The following ENPP3 variants were observed in gnomAD, a reference collection of about 807,000 sequenced individuals.
ENPP3 encodes ectonucleotide pyrophosphatase/phosphodiesterase family member 3.
In ENPP3, 104 loss-of-function variants were observed where a neutral mutation model predicts 117.8. The observed-to-expected ratio is 0.88, with a 90% CI of 0.75 to 1.04. The LOEUF (loss-of-function observed/expected upper bound fraction) is 1.04. ENPP3 is among the 50% of genes least tolerant of loss of function. The pLI is 0.00. For synonymous variants in ENPP3, 380 were observed against 349.9 expected (o/e 1.09, Z -0.96); for missense variants, 1,026 against 1,051.9 (o/e 0.98, Z 0.34).
intron 19 of ENPP3, among the ~76,000 whole-genome samples, chr6:131,724,570 T>A (rs1273786985): frequency 1.3e-5 from 2 of 152,238 alleles, no homozygotes; most frequent in Non-Finnish European, 2.9e-5. Flanking sequence ...TATTACCTGT[T>A]ATCTTTTAAG....
chr6:131,702,474 T>A (rs1779560423), intron 15 of ENPP3, among the ~76,000 whole-genome samples: 1 of 148,842 alleles, frequency 6.7e-6, no homozygotes, highest in South Asian at 2.1e-4. Context: ...TTTATGTGAA[T>A]GACTGAATAG....
chr6:131,736,627 A>G (rs1283002115), intron 21 of ENPP3, among the ~76,000 whole-genome samples: 2 of 152,116 alleles, frequency 1.3e-5, no homozygotes, highest in East Asian at 3.9e-4. Flanking sequence ...ATCAGTCTCT[A>G]TCAAGTAAAA....
intron 12 of ENPP3, among the ~76,000 whole-genome samples, chr6:131,683,396 G>A (rs775621177): frequency 6.6e-6 from 1 of 152,160 alleles, no homozygotes; most frequent in Non-Finnish European, 1.5e-5. Context: ...TTTTGTAAAA[G>A]TAGAGTTAAT....
chr6:131,724,082 C>T lies in ENPP3; in HGVS notation c.1789C>T (p.Gln597Ter), dbSNP rs753973949. 27 of 1,608,416 alleles carry T rather than the reference C, an allele frequency of 1.7e-5. No individual in the cohort carries two copies. Among genetic ancestry groups the T allele is most frequent in the Non-Finnish European group, 2.3e-5 (27 of 1,175,452 alleles). Reference sequence around the variant, plus strand: ...AGTGAATCAGATGCTAAATCTCACCCAAGAAGAAAGTAAGTCAATAGAAAA... The same window carrying T: ...AGTGAATCAGATGCTAAATCTCACCTAAGAAGAAAGTAAGTCAATAGAAAA... ...EQVNQMLNLT[Q>*]EEITATVKVN... Residue 597 changes from glutamine (Q) to a stop codon, truncating the protein, a stop_gained, in exon 19 of 25, where the codon CAA becomes TAA. Coordinates refer to ENST00000357639, the MANE Select transcript of ENPP3 (RefSeq NM_005021.5). LOFTEE classifies it high-confidence loss of function.
chr6:131,701,772 C>T (rs1195177082), intron 15 of ENPP3, among the ~76,000 whole-genome samples: 11 of 150,892 alleles, frequency 7.3e-5, no homozygotes, highest in African/African-American at 2.4e-4. Context: ...GTCCCAGCTA[C>T]TCGGGAGGCT....
At chr6:131,734,583 A>C (rs1415114054) in intron 21 of ENPP3, among the ~76,000 whole-genome samples, 3 of 152,102 alleles carry the variant, frequency 2.0e-5, no homozygotes, top group Non-Finnish European at 4.4e-5. Context: ...AATTTATGTA[A>C]GCCCTGTGAT....
At chr6:131,646,744 CT>C (rs60833768) in intron 2 of ENPP3, among the ~76,000 whole-genome samples, 10,510 of 128,844 alleles carry the variant, frequency 0.082, 1,203 homozygotes, top group African/African-American at 0.27. Context: ...AAGCTCTTGG[CT>C]TTTTTTTTTT....
In ENPP3 at chr6:131,740,476, G is replaced by A. The variant is rs556357055; in HGVS notation, c.2457+96G>A. 3.4e-6 allele frequency: 3 copies of A among 876,728 alleles called. No individual in the cohort carries two copies. In the East Asian group the frequency reaches 8.3e-5, roughly 24 times the overall value. 54.3% of individuals were successfully genotyped at this position (876,728 alleles called of 1,614,324 possible). A position where few individuals can be genotyped will look rare whatever the true frequency, so the allele number is the denominator to read the frequency against. Reference sequence around the variant, plus strand: ...GGCTCTGACTAAAACATTTTTTTTAGGTGTTTCATGGGAAAAGTTATAACA... The same window carrying A: ...GGCTCTGACTAAAACATTTTTTTTAAGTGTTTCATGGGAAAAGTTATAACA... On this transcript the variant is annotated intron_variant, in intron 24 of 24. Coordinates refer to ENST00000357639, the MANE Select transcript of ENPP3 (RefSeq NM_005021.5).
At chr6:131,693,417 T>A in intron 14 of ENPP3, 80 bp from the exon 15 acceptor site, 1 of 1,295,272 alleles carries the variant, frequency 7.7e-7, no homozygotes, top group Non-Finnish European at 1.1e-6. Flanking sequence ...AGGTGCTTCA[T>A]AAATTGATGT....
At position 131,672,289 on chromosome 6, in the gene ENPP3, CT is replaced by C. The variant is rs1278180858; in HGVS notation, c.642+967del. ...ATCTCACTGTCTATTGAATGCCATA[CT>C]TTTTATATTCTCATGCTTTTTTGGG... On this transcript the variant is annotated intron_variant, in intron 7 of 24. Coordinates refer to ENST00000357639, the MANE Select transcript of ENPP3 (RefSeq NM_005021.5). 2.0e-5 allele frequency among the ~76,000 whole-genome samples: 3 copies of C among 152,242 alleles called. No homozygotes were observed. The East Asian group carries it at 5.8e-4, about 29-fold the overall frequency.
intron 6 of ENPP3, among the ~76,000 whole-genome samples, chr6:131,659,741 C>T (rs1205051885): frequency 1.3e-5 from 2 of 152,158 alleles, no homozygotes; most frequent in Non-Finnish European, 2.9e-5. Context: ...TTTCCAAATC[C>T]AGGACCTGTC....
chr6:131,653,680 G>A (rs1053529161), intron 5 of ENPP3, among the ~76,000 whole-genome samples: 2 of 152,038 alleles, frequency 1.3e-5, no homozygotes, highest in Admixed American at 6.6e-5. Flanking sequence ...CCAAAGTGTT[G>A]GGATTACAGC....
Position 131,720,454 on chromosome 6 carries a change from A to G in ENPP3, c.1567+75A>G, listed in dbSNP as rs569416003. The G allele has an allele frequency of 2.8e-3, 2,001 of 710,932 alleles. 10 individuals are homozygous for G. Among genetic ancestry groups the G allele is most frequent in the Non-Finnish European group, 3.9e-3 (1,703 of 432,752 alleles). The allele number at this position is 710,932 out of a possible 1,614,324, so 44.0% of individuals were successfully genotyped here. On this transcript the variant is annotated intron_variant, in intron 17 of 24. Coordinates refer to ENST00000357639, the MANE Select transcript of ENPP3 (RefSeq NM_005021.5). ...ATATGTGATTTGAAATTGGTAGCAA[A>G]CTGAATCCCAGAGGCTGGATGCTCT...
chr6:131,720,643 G>A (rs376335200), intron 17 of ENPP3, among the ~76,000 whole-genome samples: 2 of 152,246 alleles, frequency 1.3e-5, no homozygotes, highest in East Asian at 3.9e-4. Flanking sequence ...GTGCAGTGGT[G>A]TGATCCTGGC....
At chr6:131,651,667 G>A (rs1040130112) in intron 3 of ENPP3, among the ~76,000 whole-genome samples, 1 of 152,142 alleles carries the variant, frequency 6.6e-6, no homozygotes, top group Non-Finnish European at 1.5e-5. Flanking sequence ...GGTGGTGGTG[G>A]GGGGGTGTCC....
intron 14 of ENPP3, among the ~76,000 whole-genome samples, chr6:131,687,627 A>G (rs781014903): frequency 7.9e-5 from 12 of 152,212 alleles, no homozygotes; most frequent in African/African-American, 2.4e-4. Context: ...TCCAGAATCT[A>G]TAGGGAATTT....
At chr6:131,669,361 C>G (rs1778690045) in intron 6 of ENPP3, among the ~76,000 whole-genome samples, 1 of 151,732 alleles carries the variant, frequency 6.6e-6, no homozygotes, top group African/African-American at 2.4e-5. Flanking sequence ...TTAGGATGAC[C>G]TGGGCTGCTT....
intron 7 of ENPP3, among the ~76,000 whole-genome samples, chr6:131,672,082 C>T (rs999974062): frequency 6.6e-6 from 1 of 152,128 alleles, no homozygotes; most frequent in Non-Finnish European, 1.5e-5. Flanking sequence ...TGCTTACTCA[C>T]TAAAATTTAT....
At chr6:131,735,603 A>AAAATAATT (rs1780379540) in intron 21 of ENPP3, among the ~76,000 whole-genome samples, 1 of 152,200 alleles carries the variant, frequency 6.6e-6, no homozygotes, top group South Asian at 2.1e-4. Context: ...GTAATTAAAA[A>AAAATAATT]AAATAATTAG....
Sources: gnomAD v4.1 joint callset for allele counts (sites outside exome capture counted in the v4.1 genomes callset) on GRCh38, gnomAD v4.1.1 for gene constraint, MANE v1.5 for transcripts, NCBI Gene and HGNC (gene_info 2026-07-23, HGNC 2026-07-21) for gene names.